Variants in HSD17B4 observed in about 807,000 individuals in gnomAD.
HSD17B4 encodes hydroxysteroid 17-beta dehydrogenase 4.
A neutral mutation model predicts 101.0 loss-of-function variants in HSD17B4; 70 were observed. The observed-to-expected ratio is 0.69, with a 90% CI of 0.57 to 0.85. The LOEUF (loss-of-function observed/expected upper bound fraction) is 0.85, where lower values mean the gene tolerates loss of function less well. Ranked by LOEUF, HSD17B4 falls within the 40% of genes least tolerant of loss-of-function variation. The probability of loss-of-function intolerance (pLI) is 0.00; values close to 1 mark genes in which losing one functional copy is unlikely to be tolerated. For missense variants in HSD17B4, 984 were observed against 892.4 expected (o/e 1.10, Z -1.31); for synonymous variants, 347 against 297.1 (o/e 1.17, Z -1.73).
At chr5:119,511,488 C>A (rs1752162976) in intron 16 of HSD17B4, among the ~76,000 whole-genome samples, 1 of 152,042 alleles carries the variant, frequency 6.6e-6, no homozygotes, top group African/African-American at 2.4e-5. Context: ...GATTGTTGAA[C>A]AATTTATACC....
In HSD17B4 at chr5:119,525,196, T is replaced by C. The variant is rs200131639; in HGVS notation, c.1504-20T>C. ...CTAACAAAACACTGAGTTCTAGTTATGTTTATGCTTTCTCCACAGGCTGCT... is the reference window on the plus strand; with the variant it reads ...CTAACAAAACACTGAGTTCTAGTTACGTTTATGCTTTCTCCACAGGCTGCT... On this transcript the variant is annotated intron_variant, in intron 17 of 23. Coordinates refer to ENST00000510025, the MANE Select transcript of HSD17B4 (RefSeq NM_000414.4). 38 of 1,577,016 alleles carry C rather than the reference T, an allele frequency of 2.4e-5. 1 individual carries two copies. The highest frequency in any genetic ancestry group is 2.2e-4 in the South Asian group (20 of 90,364).
At chr5:119,454,465 C>A (rs1754394266) in intron 1 of HSD17B4, among the ~76,000 whole-genome samples, 1 of 151,968 alleles carries the variant, frequency 6.6e-6, no homozygotes, top group Non-Finnish European at 1.5e-5. Context: ...GCCACCACGC[C>A]CAGCTAATTT....
intron 8 of HSD17B4, among the ~76,000 whole-genome samples, chr5:119,488,437 T>C (rs1419810411): frequency 6.6e-6 from 1 of 152,142 alleles, no homozygotes; most frequent in Admixed American, 6.6e-5. Context: ...AGAGAAATTA[T>C]AGATAACTAT....
intron 21 of HSD17B4, among the ~76,000 whole-genome samples, chr5:119,530,709 C>T (rs1449919934): frequency 6.6e-6 from 1 of 151,330 alleles, no homozygotes; most frequent in Non-Finnish European, 1.5e-5. Context: ...AAAAATTAGC[C>T]AGCCTTGGTG....
chr5:119,533,006 C>G (rs1308665657), intron 22 of HSD17B4, among the ~76,000 whole-genome samples: 4 of 151,984 alleles, frequency 2.6e-5, no homozygotes, highest in Admixed American at 2.0e-4. Context: ...CATTGGGGGC[C>G]TTTTGTAATA....
At chr5:119,494,770 A>G (rs1750476825) in intron 11 of HSD17B4, among the ~76,000 whole-genome samples, 2 of 152,176 alleles carry the variant, frequency 1.3e-5, no homozygotes, top group Non-Finnish European at 2.9e-5. Context: ...TGGTGTTAGC[A>G]TAGTGCTGAA....
At chr5:119,462,618 CAT>C (rs1755376643) in intron 2 of HSD17B4, among the ~76,000 whole-genome samples, 1 of 152,208 alleles carries the variant, frequency 6.6e-6, no homozygotes, top group South Asian at 2.1e-4. Context: ...AACAGTGTCA[CAT>C]GTTATGGATA....
In HSD17B4 at chr5:119,493,832, A is replaced by T. The variant is rs1159774894; in HGVS notation, c.754A>T (p.Thr252Ser). ...GWIGKLRWERTLGAIVRQKNH... is the reference protein window; with the variant it reads ...GWIGKLRWERSLGAIVRQKNH... ...TCTATAACCAGTACGCTGGGAGCGG[A>T]CTCTTGGAGCTATTGTAAGACAAAA... Residue 252 changes from threonine to serine, a missense_variant, in exon 11 of 24, where the codon ACT (threonine) becomes TCT (serine). Thr to Ser is a moderately conservative substitution (Grantham distance 58, BLOSUM62 1). Coordinates refer to ENST00000510025, the MANE Select transcript of HSD17B4 (RefSeq NM_000414.4). 1.2e-6 allele frequency: 2 copies of T among 1,612,996 alleles called. No homozygotes were observed. The highest frequency in any genetic ancestry group is 1.7e-5 in the Admixed American group (1 of 59,922).
intron 2 of HSD17B4, among the ~76,000 whole-genome samples, chr5:119,469,840 C>T (rs1756179474): frequency 6.6e-6 from 1 of 152,168 alleles, no homozygotes; most frequent in Admixed American, 6.5e-5. Flanking sequence ...ATTTCTTTGG[C>T]TGTAATCAAC....
chr5:119,473,471 A>G (rs979788792), intron 2 of HSD17B4, among the ~76,000 whole-genome samples: 1 of 151,662 alleles, frequency 6.6e-6, no homozygotes, highest in Non-Finnish European at 1.5e-5. Context: ...GATACATGCC[A>G]TAATGCCCAG....
intron 10 of HSD17B4, chr5:119,492,612 C>T (rs1750213940): frequency 6.4e-6 from 1 of 155,260 alleles, no homozygotes. Context: ...TCACATTGGA[C>T]AACTTACTGG....
chr5:119,496,832 T>C (rs1221763608), intron 12 of HSD17B4, among the ~76,000 whole-genome samples, 186 bp downstream of exon 12: 1 of 152,214 alleles, frequency 6.6e-6, no homozygotes, highest in Non-Finnish European at 1.5e-5. Flanking sequence ...TATTCAGGAA[T>C]CGTTTATGAT....
chr5:119,531,207 C>G (rs1754064072), intron 21 of HSD17B4, 59 bp from the exon 22 acceptor site: 2 of 1,570,596 alleles, frequency 1.3e-6, no homozygotes, highest in Non-Finnish European at 1.8e-6. Flanking sequence ...TTTATAATCA[C>G]TTTTCTCCAT....
intron 1 of HSD17B4, chr5:119,452,968 A>G (rs1379931574): frequency 1.0e-6 from 1 of 977,710 alleles, no homozygotes; most frequent in Non-Finnish European, 1.5e-6. Flanking sequence ...CTCTTCCTGC[A>G]ATTAACTCTC....
At chr5:119,463,655 CTTTTTTTTTTT>C (rs57252147) in intron 2 of HSD17B4, among the ~76,000 whole-genome samples, 23 of 29,702 alleles carry the variant, frequency 7.7e-4, no homozygotes, top group East Asian at 2.1e-3. Context: ...ATTTATATGT[CTTTTTTTTTTT>C]TTTTTTTTTT....
chr5:119,479,869 G>T (rs557549449), intron 8 of HSD17B4, among the ~76,000 whole-genome samples: 7 of 152,058 alleles, frequency 4.6e-5, no homozygotes, highest in Non-Finnish European at 1.0e-4. Context: ...GTGATTGCTG[G>T]ATGGATGCTA....
At chr5:119,461,861 G>C (rs1386977219) in intron 2 of HSD17B4, among the ~76,000 whole-genome samples, 1 of 152,136 alleles carries the variant, frequency 6.6e-6, no homozygotes, top group African/African-American at 2.4e-5. Flanking sequence ...CTCAGCCTGG[G>C]TGACAGTGAT....
intron 17 of HSD17B4, among the ~76,000 whole-genome samples, chr5:119,515,644 A>C (rs1477569502): frequency 6.6e-6 from 1 of 152,208 alleles, no homozygotes; most frequent in East Asian, 1.9e-4. Context: ...ACAAAAGGCA[A>C]CCATAAAAGT....
At chr5:119,474,939 T>G (rs1204869725) in intron 4 of HSD17B4, among the ~76,000 whole-genome samples, 1 of 152,178 alleles carries the variant, frequency 6.6e-6, no homozygotes, top group Non-Finnish European at 1.5e-5. Context: ...TTTCTGTAGC[T>G]AATCTTCCCA....
Sources: allele counts gnomAD v4.1 joint callset (sites outside exome capture counted in the v4.1 genomes callset), GRCh38; gene constraint gnomAD v4.1.1; transcripts MANE v1.5; gene names NCBI Gene and HGNC (gene_info 2026-07-23, HGNC 2026-07-21).